TMEM229B: variants seen among roughly 807,000 people sequenced by gnomAD.
TMEM229B encodes the protein transmembrane protein 229B.
In TMEM229B, 6 loss-of-function variants were observed where a neutral mutation model predicts 13.7. That is an observed-to-expected ratio of 0.44 (90% CI 0.24 to 0.86). The LOEUF is 0.86. Among genes scored for constraint, TMEM229B ranks in the 40% least tolerant of loss-of-function variants. TMEM229B has a pLI of 0.23. For synonymous variants in TMEM229B, 107 were observed against 102.1 expected (o/e 1.05, Z -0.29); for missense variants, 170 against 236.0 (o/e 0.72, Z 1.83).
chr14:67,498,288 T>C (rs1346371900), intron 1 of TMEM229B, among the ~76,000 whole-genome samples: 1 of 152,106 alleles, frequency 6.6e-6, no homozygotes, highest in Non-Finnish European at 1.5e-5. Flanking sequence ...CGATGGGGGG[T>C]GGGCAATCAC....
intron 2 of TMEM229B, among the ~76,000 whole-genome samples, chr14:67,475,049 G>C (rs2031091794): frequency 6.6e-6 from 1 of 151,494 alleles, no homozygotes; most frequent in Non-Finnish European, 1.5e-5. Flanking sequence ...CTGAGTAGCT[G>C]GGACTACAGG....
upstream of TMEM229B, among the ~76,000 whole-genome samples, chr14:67,519,731 CT>C (rs914144223): frequency 4.7e-5 from 6 of 128,494 alleles, no homozygotes; most frequent in East Asian, 4.6e-4. Context: ...TTTTTTTTTA[CT>C]TTTTTTTTGA....
chr14:67,512,661 C>T (rs937907372), intron 1 of TMEM229B, among the ~76,000 whole-genome samples: 5 of 152,158 alleles, frequency 3.3e-5, no homozygotes, highest in Admixed American at 6.5e-5. Flanking sequence ...CAAGCTGCCT[C>T]ACTCTACTGC....
At chr14:67,495,534 G>A (rs962702644) in intron 1 of TMEM229B, among the ~76,000 whole-genome samples, 2 of 151,270 alleles carry the variant, frequency 1.3e-5, no homozygotes, top group Non-Finnish European at 1.5e-5. Context: ...CCAGGCTGGA[G>A]TGCAATGGCA....
chr14:67,531,278 C>G lies in TMEM229B; in HGVS notation c.-192+2358G>C, dbSNP rs185429444. On this transcript the variant is annotated intron_variant, in intron 1 of 2. Coordinates refer to the TMEM229B transcript ENST00000554278. ...TAGGCAACAGAGCAAGATCTTATCT[C>G]TTAAAAGAAAACAACAACAACAACA... Among the ~76,000 whole-genome samples the G allele has an allele frequency of 3.3e-5, 5 of 152,182 alleles. No individual in the cohort carries two copies. In the East Asian group the frequency reaches 9.7e-4, roughly 29 times the overall value.
At chr14:67,506,162 G>T (rs914070566) in intron 1 of TMEM229B, among the ~76,000 whole-genome samples, 2 of 152,202 alleles carry the variant, frequency 1.3e-5, no homozygotes, top group Admixed American at 1.3e-4. Flanking sequence ...AGTGACAAAG[G>T]AGTGGATGTA....
chr14:67,497,434 A>C (rs2032435792), intron 1 of TMEM229B, among the ~76,000 whole-genome samples: 1 of 152,082 alleles, frequency 6.6e-6, no homozygotes, highest in South Asian at 2.1e-4. Flanking sequence ...GGAAGAACTG[A>C]CGGGCAGCTC....
Position 67,473,228 on chromosome 14 carries a change from C to T in TMEM229B, c.*192G>A. The stretch of plus-strand genomic sequence containing the variant: ...CAATGTCCCTCTGCTGCCTCCACAC[C>T]CCATCCCCCAACACCTGACCACGGC... On this transcript the variant is annotated 3_prime_UTR_variant, in exon 3 of 3. Coordinates refer to ENST00000554480, the MANE Select transcript of TMEM229B (RefSeq NM_001348543.2). The surrounding 1 kb of genome is among the most constrained non-coding windows in gnomAD (Gnocchi z 6.5). 1.4e-6 allele frequency: 1 copy of T among 714,896 alleles called. No individual in the cohort carries two copies. The highest frequency in any genetic ancestry group is 2.3e-6 in the Non-Finnish European group (1 of 443,464). 44.3% of individuals were successfully genotyped at this position (714,896 alleles called of 1,614,324 possible).
rs45529037 is a variant in TMEM229B at position 67,470,848 on chromosome 14, G to A, written c.*2572C>T. 6.5e-6 allele frequency: 1 copy of A among 152,776 alleles called. No individual in the cohort carries two copies. Among genetic ancestry groups the A allele is most frequent in the Non-Finnish European group, 1.5e-5 (1 of 68,134 alleles). The allele number at this position is 152,776 out of a possible 1,614,324, so 9.5% of individuals were successfully genotyped here. The stretch of plus-strand genomic sequence containing the variant: ...TAGTGGAGAGAGGCCCAGGACACCA[G>A]AGGTTCATGAACAGCCAGCAAACAC... On this transcript the variant is annotated 3_prime_UTR_variant, in exon 3 of 3. Transcript: ENST00000554480.
chr14:67,517,408 A>G (rs1382754300), upstream of TMEM229B, among the ~76,000 whole-genome samples: 3 of 152,216 alleles, frequency 2.0e-5, no homozygotes, highest in Non-Finnish European at 4.4e-5. Flanking sequence ...AGTGCTCACA[A>G]TATTTTTAGG....
In TMEM229B at chr14:67,473,496, C is replaced by T. The variant is rs766903562; in HGVS notation, c.428G>A (p.Arg143His). ...QFIIRNTLRL[R>H]FDKDAEPGEP... ...CCCGGGCTCAGCGTCCTTGTCGAAG[C>T]GGAGGCGGAGGGTGTTGCGGATGAT... is the stretch of plus-strand genomic sequence containing the variant. Residue 143 changes from arginine to histidine, a missense_variant, in exon 3 of 3, where the codon CGC becomes CAC. Arg to His is a conservative substitution (Grantham distance 29, BLOSUM62 0). Coordinates refer to ENST00000554480, the MANE Select transcript of TMEM229B (RefSeq NM_001348543.2). The surrounding 1 kb of genome is among the most constrained non-coding windows in gnomAD (Gnocchi z 6.5). 1 of 1,614,152 alleles carries T rather than the reference C, an allele frequency of 6.2e-7. No homozygotes were observed. Among genetic ancestry groups the T allele is most frequent in the Admixed American group, 1.7e-5 (1 of 60,028 alleles).
chr14:67,521,867 C>T (rs757490155), intron 1 of TMEM229B, among the ~76,000 whole-genome samples: 2 of 152,152 alleles, frequency 1.3e-5, no homozygotes, highest in Non-Finnish European at 2.9e-5. Flanking sequence ...TTTTAGAGGA[C>T]AGAGTTGACT....
intron 1 of TMEM229B, among the ~76,000 whole-genome samples, chr14:67,512,258 C>A (rs913893359): frequency 6.6e-6 from 1 of 152,182 alleles, no homozygotes; most frequent in South Asian, 2.1e-4. Context: ...CCCCCTCCTA[C>A]CCCTTCCCTA....
intron 1 of TMEM229B, among the ~76,000 whole-genome samples, chr14:67,521,708 C>T (rs1594722218): frequency 6.6e-6 from 1 of 151,772 alleles, no homozygotes; most frequent in South Asian, 2.1e-4. Context: ...CTAAGACAGC[C>T]CTGAAAATTA....
At chr14:67,477,594 C>T (rs1487128416) in intron 2 of TMEM229B, among the ~76,000 whole-genome samples, 1 of 152,104 alleles carries the variant, frequency 6.6e-6, no homozygotes, top group Non-Finnish European at 1.5e-5. Context: ...AGACAGCTCC[C>T]CCTAATGTCC....
chr14:67,501,084 T>TAATAAA (rs2032593971), intron 1 of TMEM229B, among the ~76,000 whole-genome samples: 3 of 141,840 alleles, frequency 2.1e-5, no homozygotes, highest in Non-Finnish European at 4.6e-5. Context: ...ATAATAATAA[T>TAATAAA]AAAGAAAATG....
intron 1 of TMEM229B, among the ~76,000 whole-genome samples, chr14:67,497,320 G>A (rs2032430195): frequency 6.6e-6 from 1 of 152,124 alleles, no homozygotes; most frequent in African/African-American, 2.4e-5. Context: ...GGCACGTGGA[G>A]TTAAGTGTAA....
chr14:67,474,329 C>T (rs2031032815), intron 2 of TMEM229B, among the ~76,000 whole-genome samples: 1 of 151,992 alleles, frequency 6.6e-6, no homozygotes, highest in Admixed American at 6.5e-5. Flanking sequence ...TGCAACTCTA[C>T]CCAAATGCTA....
chr14:67,512,735 A>G (rs2033070377), intron 1 of TMEM229B, among the ~76,000 whole-genome samples: 1 of 152,162 alleles, frequency 6.6e-6, no homozygotes, highest in Non-Finnish European at 1.5e-5. Flanking sequence ...CTCCTCAGAA[A>G]CTGGAAGGTG....
Sources: gnomAD v4.1 joint callset for allele counts (sites outside exome capture counted in the v4.1 genomes callset) on GRCh38, gnomAD v4.1.1 for gene constraint, Gnocchi (gnomAD v3.1) non-coding constraint, MANE v1.5 for transcripts, NCBI Gene and HGNC (gene_info 2026-07-23, HGNC 2026-07-21) for gene names.